The following TAFA1 variants were observed in gnomAD, a reference collection of about 807,000 sequenced individuals.
The protein encoded by TAFA1 is chemokine-like protein TAFA-1.
Under a neutral mutation model 18.5 loss-of-function variants are expected in TAFA1, and 4 were observed. The observed-to-expected ratio is 0.22, with a 90% CI of 0.11 to 0.49. The LOEUF (loss-of-function observed/expected upper bound fraction) is 0.49. Among genes scored for constraint, TAFA1 ranks in the 20% least tolerant of loss-of-function variants. TAFA1 has a pLI of 0.98. For missense variants in TAFA1, 147 were observed against 169.0 expected, an observed-to-expected ratio of 0.87 and a Z score of 0.72; for synonymous variants, 56 against 55.2, an observed-to-expected ratio of 1.01 and a Z score of -0.06.
chr3:68,483,836 C>T (rs931132504), intron 3 of TAFA1, among the ~76,000 whole-genome samples: 6 of 152,136 alleles, frequency 3.9e-5, no homozygotes, highest in African/African-American at 1.4e-4. Context: ...CACTGGAGCC[C>T]GAAGTTTATA....
chr3:68,160,007 G>T (rs909583123), intron 2 of TAFA1, among the ~76,000 whole-genome samples: 1 of 152,164 alleles, frequency 6.6e-6, no homozygotes, highest in African/African-American at 2.4e-5. Flanking sequence ...ATTGGACTCT[G>T]CAAGCATCAA....
At chr3:68,322,497 G>T (rs2068711188) in intron 2 of TAFA1, among the ~76,000 whole-genome samples, 1 of 152,136 alleles carries the variant, frequency 6.6e-6, no homozygotes, top group Non-Finnish European at 1.5e-5. Flanking sequence ...TTTTGGAGAA[G>T]TTACATGTCT....
chr3:68,035,051 TC>T (rs1705016912), intron 2 of TAFA1, among the ~76,000 whole-genome samples: 1 of 152,124 alleles, frequency 6.6e-6, no homozygotes. Context: ...ACTTTTATAT[TC>T]CCCCTACTTT....
chr3:68,249,803 G>A (rs1284757450), intron 2 of TAFA1, among the ~76,000 whole-genome samples: 1 of 152,160 alleles, frequency 6.6e-6, no homozygotes, highest in East Asian at 1.9e-4. Context: ...GCACACCATT[G>A]ACCCAATATG....
At chr3:68,044,962 C>G (rs1705238292) in intron 2 of TAFA1, among the ~76,000 whole-genome samples, 1 of 152,200 alleles carries the variant, frequency 6.6e-6, no homozygotes, top group South Asian at 2.1e-4. Context: ...AAGATACCCA[C>G]AGGAACTCAG....
chr3:68,264,763 A>T, intron 2 of TAFA1, among the ~76,000 whole-genome samples: 1 of 151,920 alleles, frequency 6.6e-6, no homozygotes, highest in Non-Finnish European at 1.5e-5. Context: ...AGAAATTATA[A>T]AGACAGACCA....
chr3:68,008,663 T>G (rs1000003330), intron 2 of TAFA1, among the ~76,000 whole-genome samples: 1 of 152,178 alleles, frequency 6.6e-6, no homozygotes, highest in African/African-American at 2.4e-5. Context: ...CGAGTGACCA[T>G]GCCAAATAGC....
intron 2 of TAFA1, among the ~76,000 whole-genome samples, chr3:68,116,180 A>G (rs1404770246): frequency 6.6e-5 from 10 of 152,160 alleles, no homozygotes; most frequent in Non-Finnish European, 5.9e-5. Context: ...GCATGAACCC[A>G]GGAGACGGAG....
intron 2 of TAFA1, among the ~76,000 whole-genome samples, chr3:68,304,908 C>A (rs1442783732): frequency 6.6e-6 from 1 of 152,018 alleles, no homozygotes; most frequent in South Asian, 2.1e-4. Context: ...CCCAGTAGAC[C>A]ACATAGTAGC....
intron 2 of TAFA1, among the ~76,000 whole-genome samples, chr3:68,114,750 A>G (rs901314646): frequency 6.6e-6 from 1 of 152,192 alleles, no homozygotes; most frequent in African/African-American, 2.4e-5. Context: ...AGAAATATAT[A>G]TGAGTGTTCA....
chr3:68,493,568 C>G (rs1488217331), intron 3 of TAFA1, among the ~76,000 whole-genome samples: 1 of 152,146 alleles, frequency 6.6e-6, no homozygotes, highest in Non-Finnish European at 1.5e-5. Flanking sequence ...AACTGTTTTC[C>G]ACAGCAGGTG....
chr3:68,183,696 C>A (rs1339299920), intron 2 of TAFA1, among the ~76,000 whole-genome samples: 2 of 152,074 alleles, frequency 1.3e-5, no homozygotes, highest in Non-Finnish European at 2.9e-5. Flanking sequence ...TCTTTCATTA[C>A]CTGTGTGGTG....
chr3:68,313,139 T>C (rs1182448016), intron 2 of TAFA1, among the ~76,000 whole-genome samples: 1 of 152,162 alleles, frequency 6.6e-6, no homozygotes, highest in Non-Finnish European at 1.5e-5. Flanking sequence ...ATGGGAAATA[T>C]GGGAGCTACA....
intron 2 of TAFA1, among the ~76,000 whole-genome samples, chr3:68,310,056 C>T (rs1203020230): frequency 6.6e-6 from 1 of 152,000 alleles, no homozygotes; most frequent in East Asian, 1.9e-4. Flanking sequence ...CTTATATAAG[C>T]TACTCTACAA....
intron 2 of TAFA1, among the ~76,000 whole-genome samples, chr3:68,293,148 T>C (rs2068141949): frequency 6.6e-6 from 1 of 152,220 alleles, no homozygotes; most frequent in Admixed American, 6.5e-5. Context: ...CCCTTCATAG[T>C]TGATGAGATG....
At chr3:68,504,218 C>T (rs771194451) in intron 3 of TAFA1, among the ~76,000 whole-genome samples, 19 of 152,118 alleles carry the variant, frequency 1.2e-4, no homozygotes, top group Non-Finnish European at 2.6e-4. Flanking sequence ...ATCTTTCTTT[C>T]GCATAAAACC....
intron 2 of TAFA1, among the ~76,000 whole-genome samples, chr3:68,263,743 C>A (rs984738889): frequency 6.6e-6 from 1 of 152,106 alleles, no homozygotes; most frequent in African/African-American, 2.4e-5. Context: ...CAGGCCAGCA[C>A]AGCACTGGGC....
intron 2 of TAFA1, among the ~76,000 whole-genome samples, chr3:68,391,691 G>A (rs901149889): frequency 6.6e-6 from 1 of 152,188 alleles, no homozygotes; most frequent in African/African-American, 2.4e-5. Context: ...CCAGAAGAGA[G>A]TGGGGTCCAA....
intron 2 of TAFA1, among the ~76,000 whole-genome samples, chr3:68,068,008 T>C (rs1184510086): frequency 1.3e-5 from 2 of 152,216 alleles, no homozygotes; most frequent in Non-Finnish European, 2.9e-5. Context: ...ATAACACTCC[T>C]TGTTGCTTCC....
Sources: gnomAD v4.1 joint callset for allele counts (sites outside exome capture counted in the v4.1 genomes callset) on GRCh38, gnomAD v4.1.1 for gene constraint, MANE v1.5 for transcripts, NCBI Gene and HGNC (gene_info 2026-07-23, HGNC 2026-07-21) for gene names.